ABCA9: variants seen among roughly 807,000 people sequenced by gnomAD.
ABCA9 encodes the protein ATP-binding cassette sub-family A member 9.
A neutral mutation model predicts 205.3 loss-of-function variants in ABCA9; 183 were observed. The observed-to-expected ratio is 0.89, with a 90% CI of 0.79 to 1.01. The LOEUF (loss-of-function observed/expected upper bound fraction) is 1.01, where lower values mean the gene tolerates loss of function less well. Among genes scored for constraint, ABCA9 ranks in the 50% least tolerant of loss-of-function variants. ABCA9 has a pLI of 0.00. For missense variants in ABCA9, 1,805 were observed against 1,912.4 expected, an observed-to-expected ratio of 0.94 and a Z score of 1.05; for synonymous variants, 651 against 683.3, an observed-to-expected ratio of 0.95 and a Z score of 0.74.
At chr17:69,043,746 A>T (rs1409064404) in intron 5 of ABCA9, 31 bp from the exon 6 acceptor site, 3 of 1,519,692 alleles carry the variant, frequency 2.0e-6, no homozygotes, top group Admixed American at 4.0e-5. Flanking sequence ...ACAAATTGTT[A>T]TCATCAATCT....
upstream of ABCA9, among the ~76,000 whole-genome samples, chr17:69,061,634 C>T (rs552496074): frequency 1.4e-4 from 22 of 152,300 alleles, no homozygotes; most frequent in South Asian, 2.1e-4. Context: ...ATCTCTGCAA[C>T]GGTTCCCATG....
chr17:69,027,810 C>G lies in ABCA9; in HGVS notation c.1621G>C (p.Val541Leu), dbSNP rs1402227510. ...GAAAGTGTGTGATTATAGACAGTGA[C>G]TGAACCTGAAAGCAGAAGGCAGAGA... is the stretch of plus-strand genomic sequence containing the variant. Reference protein sequence around the residue: ...SGLSVPTSGSVTVYNHTLSRM... With the variant: ...SGLSVPTSGSLTVYNHTLSRM... Residue 541 changes from valine (V) to leucine (L), a missense_variant, in exon 13 of 39, where the codon GTC becomes CTC. Physicochemically the swap from Val to Leu is conservative, Grantham distance 32 (BLOSUM62 1). Coordinates refer to ENST00000340001, the MANE Select transcript of ABCA9 (RefSeq NM_080283.4). The G allele has an allele frequency of 6.2e-7, 1 of 1,601,980 alleles. No homozygotes were observed. The highest frequency in any genetic ancestry group is 8.5e-7 in the Non-Finnish European group (1 of 1,174,732).
In ABCA9 at chr17:69,020,423, T is replaced by C. The variant is rs2070772198; in HGVS notation, c.2565A>G (p.Leu855=). The C allele has an allele frequency of 2.0e-5, 32 of 1,613,834 alleles. No individual in the cohort carries two copies. Among genetic ancestry groups the C allele is most frequent in the Non-Finnish European group, 2.6e-5 (31 of 1,179,902 alleles). The change falls in exon 19 of 39, where the codon CTA becomes CTG. Residue 855 remains leucine, a synonymous_variant. Coordinates refer to ENST00000340001, the MANE Select transcript of ABCA9 (RefSeq NM_080283.4). ...QVCAIAKVRF[L]KLKKERKSLW... is the part of the protein sequence containing the mutation. ...GGCTTTTTCTTTCTTTCTTTAACTT[T>C]AGGAAGCGAACTTTTGCTATTGCAC...
intron 36 of ABCA9, 148 bp from the exon 37 acceptor site, chr17:68,982,789 G>C: frequency 5.0e-6 from 3 of 594,876 alleles, no homozygotes; most frequent in Non-Finnish European, 6.0e-6. Context: ...AAGATTGCTT[G>C]AGCCTATGAG....
intron 6 of ABCA9, among the ~76,000 whole-genome samples, chr17:69,041,211 C>T (rs2071522096): frequency 6.6e-6 from 1 of 152,106 alleles, no homozygotes. Context: ...TCCCTTTGCA[C>T]AGTACACTTT....
intron 22 of ABCA9, among the ~76,000 whole-genome samples, chr17:69,014,626 A>G (rs1035345811): frequency 3.9e-5 from 6 of 151,972 alleles, no homozygotes; most frequent in Non-Finnish European, 7.4e-5. Context: ...GACTGCTGAA[A>G]CGTGGCTTGA....
chr17:69,044,689 G>C (rs1016336244), intron 4 of ABCA9, 89 bp from the exon 5 acceptor site: 52 of 1,193,310 alleles, frequency 4.4e-5, no homozygotes, highest in Non-Finnish European at 5.5e-5. Flanking sequence ...AAAATGCAAA[G>C]TCCATGATAA....
chr17:68,979,935 A>G (rs111495695), intron 37 of ABCA9, among the ~76,000 whole-genome samples: 5 of 152,080 alleles, frequency 3.3e-5, no homozygotes, highest in Non-Finnish European at 7.4e-5. Context: ...TTGACAAATG[A>G]GATCTAATTA....
chr17:69,035,447 G>C lies in ABCA9; in HGVS notation c.943-16C>G, dbSNP rs2071301920. On this transcript the variant is annotated splice_polypyrimidine_tract_variant and intron_variant, in intron 7 of 38. Coordinates refer to ENST00000340001, the MANE Select transcript of ABCA9 (RefSeq NM_080283.4). ...CTAAAGTTATCTGAGAAAAGAGAAA[G>C]ACTTCAGCTGGTATATAATTCTGTG... The C allele has an allele frequency of 6.4e-7, 1 of 1,550,708 alleles. No homozygotes were observed. Among genetic ancestry groups the C allele is most frequent in the African/African-American group, 1.4e-5 (1 of 72,232 alleles).
At chr17:69,018,063 T>C (rs1298730975) in intron 20 of ABCA9, 2 of 399,308 alleles carry the variant, frequency 5.0e-6, no homozygotes, top group African/African-American at 4.2e-5. Context: ...AAGCTATTAA[T>C]AGTCTATCTA....
intron 25 of ABCA9, among the ~76,000 whole-genome samples, chr17:69,006,431 C>A (rs1343361752): frequency 6.6e-6 from 1 of 152,180 alleles, no homozygotes; most frequent in Non-Finnish European, 1.5e-5. Context: ...GCACATTCAT[C>A]AGTAGACTAT....
intron 25 of ABCA9, among the ~76,000 whole-genome samples, chr17:69,005,223 G>A (rs976252562): frequency 2.1e-4 from 32 of 152,176 alleles, no homozygotes; most frequent in Non-Finnish European, 2.9e-5. Flanking sequence ...AAGCCTGGAG[G>A]CCTAGATGCA....
chr17:69,059,077 C>T (rs2072155892), intron 1 of ABCA9, among the ~76,000 whole-genome samples: 1 of 152,028 alleles, frequency 6.6e-6, no homozygotes, highest in Non-Finnish European at 1.5e-5. Flanking sequence ...AAAGACCTGC[C>T]CCAATAATTC....
At chr17:68,978,204 C>G (rs2068941752) in intron 37 of ABCA9, among the ~76,000 whole-genome samples, 1 of 152,096 alleles carries the variant, frequency 6.6e-6, no homozygotes. Context: ...TTGAATTGAT[C>G]CCTTTACCAT....
chr17:68,981,606 C>T (rs2069054850), intron 37 of ABCA9, among the ~76,000 whole-genome samples: 1 of 151,918 alleles, frequency 6.6e-6, no homozygotes, highest in African/African-American at 2.4e-5. Flanking sequence ...GATCCTAACC[C>T]TGTCTCAAGA....
rs762043923 is a variant in ABCA9 at position 68,984,125 on chromosome 17, G to C, written c.4430C>G (p.Thr1477Ser). The C allele has an allele frequency of 1.2e-6, 2 of 1,614,168 alleles. No individual in the cohort carries two copies. Among genetic ancestry groups the C allele is most frequent in the East Asian group, 4.5e-5 (2 of 44,878 alleles). Reference protein sequence around the residue: ...FRNTERGALLTTHYMAEAEAV... With the variant: ...FRNTERGALLSTHYMAEAEAV... ...CTCAGCCTCTGCCATGTAGTGGGTG[G>C]TCAGGAGGGCGCCCCTCTCCGTGTT... is the stretch of plus-strand genomic sequence containing the variant. The change falls in exon 35 of 39, where the codon ACC becomes AGC. Residue 1477 changes from threonine (T) to serine (S), a missense_variant. By Grantham distance (58) the Thr-to-Ser change is moderately conservative. Transcript: ENST00000340001.
chr17:69,002,939 C>A (rs1019314263), intron 25 of ABCA9, among the ~76,000 whole-genome samples: 13 of 143,796 alleles, frequency 9.0e-5, no homozygotes, highest in African/African-American at 3.5e-4. Flanking sequence ...AGGATTGCAA[C>A]CCCTGCCTTT....
the ABCA9 span, among the ~76,000 whole-genome samples, chr17:69,067,581 A>C: frequency 5.6e-5 from 8 of 143,168 alleles, no homozygotes; most frequent in Non-Finnish European, 1.1e-4. Flanking sequence ...AAAAAGAAAG[A>C]GAGAGAGACA....
chr17:69,028,494 T>C (rs1383723302), intron 12 of ABCA9, 41 bp downstream of exon 12: 1 of 1,364,492 alleles, frequency 7.3e-7, no homozygotes, highest in East Asian at 2.3e-5. Flanking sequence ...CATATTAATG[T>C]GTTTGTCCAG....
Sources: gnomAD v4.1 joint callset for allele counts (sites outside exome capture counted in the v4.1 genomes callset) on GRCh38, gnomAD v4.1.1 for gene constraint, MANE v1.5 for transcripts, NCBI Gene and HGNC (gene_info 2026-07-23, HGNC 2026-07-21) for gene names.